Variants in JADE1 observed in about 807,000 individuals in gnomAD.
JADE1 encodes the protein jade family PHD finger 1.
Under a neutral mutation model 81.8 loss-of-function variants are expected in JADE1, and 14 were observed. The ratio of observed to expected loss-of-function variants is 0.17; its 90% CI spans 0.11 to 0.27. JADE1 has a LOEUF of 0.27. JADE1 is among the 10% of genes least tolerant of loss of function. JADE1 has a pLI of 1.00. For synonymous variants in JADE1, 353 were observed against 391.9 expected (o/e 0.90, Z 1.17); for missense variants, 690 against 1,047.9 (o/e 0.66, Z 4.71).
intron 1 of JADE1, among the ~76,000 whole-genome samples, chr4:128,812,313 G>T (rs1726513139): frequency 6.6e-6 from 1 of 151,666 alleles, no homozygotes; most frequent in Admixed American, 6.6e-5. Context: ...AGGAGGAGGA[G>T]GAGGATTGGG....
intron 2 of JADE1, 97 bp downstream of exon 2, chr4:128,831,907 T>G: frequency 9.1e-7 from 1 of 1,098,922 alleles, no homozygotes; most frequent in East Asian, 2.4e-5. Context: ...TGAGGCCCTT[T>G]GCATGTCAGG....
At chr4:128,827,786 A>T in intron 1 of JADE1, 5 of 718,540 alleles carry the variant, frequency 7.0e-6, no homozygotes, top group Non-Finnish European at 6.8e-6. Flanking sequence ...CCCACAGGGC[A>T]TATGGGGACT....
chr4:128,829,488 AG>A (rs1263420231), intron 1 of JADE1, among the ~76,000 whole-genome samples: 1 of 152,240 alleles, frequency 6.6e-6, no homozygotes, highest in Non-Finnish European at 1.5e-5. Context: ...ATTATAGATT[AG>A]GGACCTAAAT....
chr4:128,814,713 C>T (rs1726838184), intron 1 of JADE1, among the ~76,000 whole-genome samples: 1 of 152,040 alleles, frequency 6.6e-6, no homozygotes, highest in Admixed American at 6.6e-5. Flanking sequence ...AGGCTCCCGC[C>T]ACCACGCCCA....
In JADE1 at chr4:128,836,539, G is replaced by A. The variant is rs190701405; in HGVS notation, c.52+4729G>A. Among the ~76,000 whole-genome samples, 331 of 152,148 alleles carry A rather than the reference G, an allele frequency of 2.2e-3. 2 individuals carry two copies. The highest frequency in any genetic ancestry group is 2.7e-3 in the Non-Finnish European group (183 of 68,018). ...CTTGCTGTCTTAGGGGTGGCAGAGA[G>A]AAAATTCTCACGTAAGTGAACTGGG... is the stretch of plus-strand genomic sequence containing the variant. On this transcript the variant is annotated intron_variant, in intron 2 of 10. Transcript: ENST00000226319.
intron 1 of JADE1, among the ~76,000 whole-genome samples, chr4:128,828,658 G>T (rs1025606763): frequency 2.0e-5 from 3 of 152,142 alleles, no homozygotes; most frequent in Non-Finnish European, 4.4e-5. Context: ...GTATTTATGT[G>T]TGTTTAGGTG....
chr4:128,848,331 A>G (rs989325731), intron 4 of JADE1, among the ~76,000 whole-genome samples: 1 of 152,094 alleles, frequency 6.6e-6, no homozygotes. Flanking sequence ...GGCGTGTGCC[A>G]TCATACCTGG....
In JADE1 at chr4:128,861,694, T is replaced by A. The variant is rs1394472589; in HGVS notation, c.982-10T>A. 1 of 1,613,280 alleles carries A rather than the reference T, an allele frequency of 6.2e-7. No individual in the cohort carries two copies. On this transcript the variant is annotated splice_polypyrimidine_tract_variant and intron_variant, in intron 8 of 10. Coordinates refer to ENST00000226319, the MANE Select transcript of JADE1 (RefSeq NM_199320.4). The stretch of plus-strand genomic sequence containing the variant: ...GGTCTATTCTCATGTTCTTTGTGTG[T>A]TCTTGACAGTGCTCTGTGAAGAACT...
chr4:128,865,870 A>G (rs1196507331), intron 9 of JADE1, among the ~76,000 whole-genome samples: 1 of 152,204 alleles, frequency 6.6e-6, no homozygotes, highest in Non-Finnish European at 1.5e-5. Flanking sequence ...CAAGTAAGAG[A>G]GATGTAAGTA....
chr4:128,825,692 A>G (rs1320942878), intron 1 of JADE1, among the ~76,000 whole-genome samples: 1 of 152,224 alleles, frequency 6.6e-6, no homozygotes, highest in African/African-American at 2.4e-5. Context: ...CAGTGCAGAC[A>G]TTCCATATCT....
chr4:128,842,390 C>T (rs544813445), intron 2 of JADE1, among the ~76,000 whole-genome samples: 4 of 151,914 alleles, frequency 2.6e-5, no homozygotes, highest in African/African-American at 9.7e-5. Context: ...GCCTCTGCCT[C>T]CTAGGTTCAA....
At chr4:128,829,783 G>C (rs1728379229) in intron 1 of JADE1, among the ~76,000 whole-genome samples, 1 of 152,206 alleles carries the variant, frequency 6.6e-6, no homozygotes, top group South Asian at 2.1e-4. Flanking sequence ...GGAAAAGGGA[G>C]TTTAGGCTTT....
intron 4 of JADE1, among the ~76,000 whole-genome samples, chr4:128,848,181 T>C (rs1010942716): frequency 2.0e-5 from 3 of 151,834 alleles, no homozygotes; most frequent in Non-Finnish European, 4.4e-5. Context: ...TCTTATTTCC[T>C]TTTTTTTGTT....
intron 10 of JADE1, among the ~76,000 whole-genome samples, chr4:128,869,997 T>G (rs997046826): frequency 2.0e-5 from 3 of 152,088 alleles, no homozygotes; most frequent in African/African-American, 7.2e-5. Flanking sequence ...GTAGGGTCAT[T>G]TGCTGAGAGT....
intron 2 of JADE1, among the ~76,000 whole-genome samples, chr4:128,834,294 T>A (rs568913493): frequency 6.6e-6 from 1 of 152,128 alleles, no homozygotes; most frequent in Non-Finnish European, 1.5e-5. Context: ...CAGATGGACT[T>A]CTTCTCACGT....
intron 10 of JADE1, among the ~76,000 whole-genome samples, chr4:128,870,715 A>C (rs1036100592): frequency 2.6e-5 from 4 of 152,254 alleles, no homozygotes; most frequent in African/African-American, 7.2e-5. Flanking sequence ...ACATCAATTT[A>C]ACTTACTTCA....
chr4:128,840,560 G>A (rs942164644), intron 2 of JADE1, among the ~76,000 whole-genome samples: 2 of 152,080 alleles, frequency 1.3e-5, no homozygotes, highest in African/African-American at 2.4e-5. Context: ...CTTCTTTCAG[G>A]CTGTGGACCG....
At chr4:128,866,268 A>G (rs1731773370) in intron 9 of JADE1, among the ~76,000 whole-genome samples, 1 of 152,234 alleles carries the variant, frequency 6.6e-6, no homozygotes, top group Non-Finnish European at 1.5e-5. Flanking sequence ...TTTATTCTCA[A>G]TTCTTTAAAT....
intron 1 of JADE1, among the ~76,000 whole-genome samples, chr4:128,830,526 G>A (rs1431221710): frequency 1.1e-4 from 17 of 152,152 alleles, no homozygotes. Flanking sequence ...GAGCCACCAT[G>A]CCCAGCCACA....
Sources: gnomAD v4.1 joint callset for allele counts (sites outside exome capture counted in the v4.1 genomes callset) on GRCh38, gnomAD v4.1.1 for gene constraint, MANE v1.5 for transcripts, NCBI Gene and HGNC (gene_info 2026-07-23, HGNC 2026-07-21) for gene names.